Variants in MYCBPAP observed in about 807,000 individuals in gnomAD.
MYCBPAP encodes MYCBP associated protein.
A neutral mutation model predicts 106.1 loss-of-function variants in MYCBPAP; 60 were observed. That is an observed-to-expected ratio of 0.57 (90% confidence interval 0.46 to 0.70). The LOEUF (loss-of-function observed/expected upper bound fraction) is 0.70. MYCBPAP is among the 30% of genes least tolerant of loss of function. MYCBPAP has a pLI of 0.00. For synonymous variants in MYCBPAP, 407 were observed against 440.6 expected (o/e 0.92, Z 0.95); for missense variants, 1,064 against 1,169.3 (o/e 0.91, Z 1.31).
chr17:50,510,499 G>GTGTATATATATATA (rs1418345705), intron 1 of MYCBPAP: 9 of 76,426 alleles, frequency 1.2e-4, no homozygotes, highest in African/African-American at 1.4e-4. Flanking sequence ...GTGTGTGTGT[G>GTGTATATATATATA]TATATATATA....
At chr17:50,510,556 C>A (rs950634566) in intron 1 of MYCBPAP, 1 of 137,774 alleles carries the variant, frequency 7.3e-6, no homozygotes, top group Non-Finnish European at 1.6e-5. Flanking sequence ...GACAGGGCCT[C>A]GCTCTGTCAC....
chr17:50,528,665 G>T, intron 16 of MYCBPAP, 30 bp from the exon 17 acceptor site: 1 of 1,609,536 alleles, frequency 6.2e-7, no homozygotes, highest in Non-Finnish European at 8.5e-7. Flanking sequence ...TTGGGGGCCT[G>T]CCATATTTTC....
rs762213202 is a variant in MYCBPAP, at chr17:50,525,021, C to G, written c.1780C>G (p.Pro594Ala). The G allele has an allele frequency of 2.5e-6, 4 of 1,612,114 alleles. No individual in the cohort carries two copies. The Admixed American group carries it at 6.7e-5, about 27-fold the overall frequency. The change falls in exon 13 of 19, where the codon CCG becomes GCG. Residue 594 changes from proline (P) to alanine (A), a missense_variant and splice_region_variant. Pro to Ala is a conservative substitution (Grantham distance 27). Transcript: ENST00000323776. ...AGACTTGTTCCGGCACAGAAATCCT[C>G]CGGTGAGGCCCAGCGCCAGCCCCTG... ...EEDLFRHRNPPLHYEHQVVQS... is the reference protein window; with the variant it reads ...EEDLFRHRNPALHYEHQVVQS...
chr17:50,531,285 C>A, intron 18 of MYCBPAP, 42 bp from the exon 19 acceptor site: 1 of 1,415,516 alleles, frequency 7.1e-7, no homozygotes, highest in Non-Finnish European at 9.8e-7. Context: ...AGGTGCTTCC[C>A]ACAGAGTAAA....
rs1243224674 is a variant in MYCBPAP, at chr17:50,518,975, A to G, written c.654A>G (p.Glu218=). 1.9e-6 allele frequency: 3 copies of G among 1,613,210 alleles called. No homozygotes were observed. The highest frequency in any genetic ancestry group is 1.7e-4 in the Middle Eastern group (1 of 6,060). Residue 218 remains glutamate (E), a splice_region_variant and synonymous_variant, in exon 6 of 19, where the codon GAA becomes GAG. Coordinates refer to ENST00000323776, the MANE Select transcript of MYCBPAP (RefSeq NM_032133.6). ...CGGCAATCTTGCCTCTCTCTCTAGA[A>G]CACCTAAAGAAGCCAGTGAGTGAGC... ...LRKKQQEALS[E]HLKKPVSELL...
chr17:50,526,193 A>G lies in MYCBPAP; in HGVS notation c.2095A>G (p.Ser699Gly). ...GGTGGAGGAAAGCCCAGATGTGGAC[A>G]GCACCAAGAGCCCCTGGGAGCCGGA... is the stretch of plus-strand genomic sequence containing the variant. The part of the protein sequence containing the change: ...ILVEESPDVD[S>G]TKSPWEPDGL... The change falls in exon 14 of 19, where the codon AGC (serine) becomes GGC (glycine). Residue 699 changes from serine (S) to glycine (G), a missense_variant. By Grantham distance (56) the Ser-to-Gly change is moderately conservative (BLOSUM62 0). Coordinates refer to ENST00000323776, the MANE Select transcript of MYCBPAP (RefSeq NM_032133.6). 6.2e-7 allele frequency: 1 copy of G among 1,613,572 alleles called. No homozygotes were observed. The highest frequency in any genetic ancestry group is 1.7e-5 in the Admixed American group (1 of 60,020).
At chr17:50,529,627 G>A (rs2034570898) in intron 18 of MYCBPAP, 3 of 413,956 alleles carry the variant, frequency 7.2e-6, no homozygotes, top group African/African-American at 4.1e-5. Flanking sequence ...GGAGTGAAAT[G>A]AGAAGTCACG....
At position 50,528,987 on chromosome 17, in the gene MYCBPAP, G is replaced by A. The variant is rs759488223; in HGVS notation, c.2554-31G>A. ...TCCTTGGCCTACCTCTGGAGCTCCT[G>A]AAGGCTATGTGTGTCTCCCTCCCCC... On this transcript the variant is annotated intron_variant, in intron 17 of 18. Coordinates refer to ENST00000323776, the MANE Select transcript of MYCBPAP (RefSeq NM_032133.6). The A allele has an allele frequency of 4.4e-6, 7 of 1,607,884 alleles. No homozygotes were observed. In the African/African-American group the frequency reaches 9.4e-5, roughly 22 times the overall value.
chr17:50,519,567 T>C (rs2034180924), intron 6 of MYCBPAP, 73 bp from the exon 7 acceptor site: 26 of 1,566,016 alleles, frequency 1.7e-5, no homozygotes, highest in Non-Finnish European at 2.2e-5. Context: ...GTGGTGCTCT[T>C]GTCTTCCCAC....
At chr17:50,522,709 A>AAAAAAATATATATATATATATAT in intron 10 of MYCBPAP, 11 of 49,998 alleles carry the variant, frequency 2.2e-4, no homozygotes, top group African/African-American at 4.8e-4. Flanking sequence ...AAAAAAAAAA[A>AAAAAAATATATATATATATATAT]ATATATATAT....
chr17:50,520,851 A>G (rs992719961), intron 7 of MYCBPAP: 5 of 435,704 alleles, frequency 1.1e-5, no homozygotes, highest in Admixed American at 3.5e-5. Context: ...TAAGCACTCA[A>G]TAAAAGGTAG....
chr17:50,509,258 C>T (rs1343520385), intron 1 of MYCBPAP: 1 of 667,608 alleles, frequency 1.5e-6, no homozygotes. Context: ...GAAGAAAGGC[C>T]TTGCTTGGCT....
chr17:50,526,408 A>G (rs573019440), intron 14 of MYCBPAP, 141 bp downstream of exon 14: 4 of 587,086 alleles, frequency 6.8e-6, no homozygotes, highest in East Asian at 3.6e-5. Flanking sequence ...TGGGTTATCT[A>G]TCTATCTATT....
At chr17:50,520,186 G>T (rs1256089022) in intron 7 of MYCBPAP, 10 of 161,660 alleles carry the variant, frequency 6.2e-5, no homozygotes, top group Admixed American at 2.4e-4. Flanking sequence ...CAATATTTTT[G>T]ATATACTGAA....
chr17:50,527,223 T>C (rs1567896022), intron 14 of MYCBPAP, 64 bp from the exon 15 acceptor site: 1 of 1,600,670 alleles, frequency 6.2e-7, no homozygotes, highest in East Asian at 2.2e-5. Context: ...CACATCACCA[T>C]GCCCTTCACT....
Position 50,523,058 on chromosome 17 carries a change from G to T in MYCBPAP, c.1377G>T (p.Gln459His). Reference sequence around the variant, plus strand: ...CCATTTGGTATGACTGGCGACGGCAGCACCAGCCGGACACTTTCCAAGACC... The same window carrying T: ...CCATTTGGTATGACTGGCGACGGCATCACCAGCCGGACACTTTCCAAGACC... ...TVAIWYDWRR[Q>H]HQPDTFQDLK... Residue 459 changes from glutamine to histidine, a missense_variant, in exon 11 of 19, where the codon CAG becomes CAT. Coordinates refer to ENST00000323776, the MANE Select transcript of MYCBPAP (RefSeq NM_032133.6). The T allele has an allele frequency of 6.2e-7, 1 of 1,614,140 alleles. No individual in the cohort carries two copies. Among genetic ancestry groups the T allele is most frequent in the Non-Finnish European group, 8.5e-7 (1 of 1,180,016 alleles).
intron 18 of MYCBPAP, 139 bp from the exon 19 acceptor site, chr17:50,531,188 C>T (rs1045780902): frequency 1.2e-4 from 67 of 572,034 alleles, no homozygotes; most frequent in Non-Finnish European, 2.6e-5. Context: ...AATTATTTCA[C>T]AAGAACTTTG....
intron 5 of MYCBPAP, 120 bp downstream of exon 5, chr17:50,518,844 G>A: frequency 6.8e-7 from 1 of 1,469,416 alleles, no homozygotes; most frequent in Non-Finnish European, 9.4e-7. Context: ...TCACTCCCAA[G>A]AGTGTCTCAC....
intron 1 of MYCBPAP, chr17:50,510,491 G>GTCTATATATATATA (rs1470026068): frequency 8.8e-6 from 1 of 113,838 alleles, no homozygotes; most frequent in African/African-American, 3.1e-5. Context: ...GTGTGTGTGT[G>GTCTATATATATATA]TGTGTGTGTA....
Sources: gnomAD v4.1 joint callset for allele counts on GRCh38, gnomAD v4.1.1 for gene constraint, MANE v1.5 for transcripts, NCBI Gene and HGNC (gene_info 2026-07-23, HGNC 2026-07-21) for gene names.